Variants in TUBGCP2 observed in about 807,000 individuals in gnomAD.
The protein encoded by TUBGCP2 is tubulin gamma complex component 2, also known as gamma-tubulin complex component 2.
A neutral mutation model predicts 92.2 loss-of-function variants in TUBGCP2; 55 were observed. The ratio of observed to expected loss-of-function variants is 0.60; its 90% CI spans 0.48 to 0.75. TUBGCP2 has a LOEUF of 0.75. TUBGCP2 is among the 30% of genes least tolerant of loss of function. TUBGCP2 has a pLI of 0.00. For synonymous variants in TUBGCP2, 533 were observed against 505.2 expected (o/e 1.06, Z -0.74); for missense variants, 1,093 against 1,188.9 (o/e 0.92, Z 1.19).
chr10:133,281,773 C>T (rs1453810340), intron 16 of TUBGCP2, among the ~76,000 whole-genome samples: 1 of 152,246 alleles, frequency 6.6e-6, no homozygotes, highest in Non-Finnish European at 1.5e-5. Context: ...CCAAACCCAA[C>T]TCCTCTCTGC....
chr10:133,297,966 G>T lies in TUBGCP2; in HGVS notation c.602C>A (p.Thr201Asn). Residue 201 changes from threonine (T) to asparagine (N), a missense_variant, in exon 5 of 18, where the codon ACC becomes AAC. Physicochemically the swap from Thr to Asn is moderately conservative, Grantham distance 65. Transcript: ENST00000252936. ...FLIGAGISTD[T>N]ALPIGTLPLA... The stretch of plus-strand genomic sequence containing the variant: ...GCATCACGTACCTATCGGCAAAGCG[G>T]TGTCTGTGCTGATGCCAGCACCAAT... 6.2e-7 allele frequency: 1 copy of T among 1,613,582 alleles called. No homozygotes were observed. Among genetic ancestry groups the T allele is most frequent in the Non-Finnish European group, 8.5e-7 (1 of 1,179,830 alleles).
chr10:133,297,628 T>C (rs1589833054), intron 5 of TUBGCP2, among the ~76,000 whole-genome samples: 1 of 152,342 alleles, frequency 6.6e-6, no homozygotes, highest in East Asian at 1.9e-4. Flanking sequence ...TGCCTGCAGG[T>C]CTGCACCAGG....
At position 133,289,001 on chromosome 10, in the gene TUBGCP2, GACC is replaced by G. The variant is rs1218967127; in HGVS notation, c.1377_1379del (p.Val460del). 1 of 1,611,834 alleles carries G rather than the reference GACC, an allele frequency of 6.2e-7. No homozygotes were observed. The highest frequency in any genetic ancestry group is 2.2e-5 in the East Asian group (1 of 44,870). ...AGGTGACGTCATGGCCACACTCTCT[GACC>G]ACATTTAGATATTTTCCTGAAAACA... On this transcript the variant is annotated inframe_deletion, in exon 10 of 18. Coordinates refer to ENST00000252936, the MANE Select transcript of TUBGCP2 (RefSeq NM_006659.4).
intron 1 of TUBGCP2, among the ~76,000 whole-genome samples, chr10:133,305,376 G>C (rs767663421): frequency 6.6e-5 from 10 of 152,172 alleles, no homozygotes; most frequent in Non-Finnish European, 1.5e-4. Context: ...AATCATTGGA[G>C]ATGACTCACA....
At chr10:133,302,768 C>T (rs772825194) in intron 2 of TUBGCP2, 24 bp downstream of exon 2, 21 of 1,611,846 alleles carry the variant, frequency 1.3e-5, no homozygotes, top group South Asian at 4.4e-5. Flanking sequence ...CCCTGCACAG[C>T]GCTACACCAA....
Position 133,285,024 on chromosome 10 carries a change from C to G in TUBGCP2, c.2024+61G>C, listed in dbSNP as rs893210740. On this transcript the variant is annotated intron_variant, in intron 13 of 17. Transcript: ENST00000252936. This position sits in a 1 kb window ranked among gnomAD's most constrained non-coding sequence, Gnocchi z 6.8. ...AGGGCACAAGGGGGGCGCTGCACCA[C>G]TGGGCAGAGTGCAGCGAGCGCTGCT... 1 of 1,545,014 alleles carries G rather than the reference C, an allele frequency of 6.5e-7. No individual in the cohort carries two copies.
At chr10:133,299,670 G>A (rs1186124187) in intron 3 of TUBGCP2, 67 bp from the exon 4 acceptor site, 1 of 1,390,554 alleles carries the variant, frequency 7.2e-7, no homozygotes, top group Admixed American at 2.0e-5. Flanking sequence ...GGGAGAGTAG[G>A]GACGACACCA....
In TUBGCP2 at chr10:133,293,712, A is replaced by C; in HGVS notation, c.674T>G (p.Leu225Arg). ...SAVVEDLLYV[L>R]VGVDGRYVSA... Reference sequence around the variant, plus strand: ...GACGTACCTCCCGTCCACGCCCACCAGCACGTACAGCAGGTCCTCCACCAC... The same window carrying C: ...GACGTACCTCCCGTCCACGCCCACCCGCACGTACAGCAGGTCCTCCACCAC... Residue 225 changes from leucine (L) to arginine (R), a missense_variant, in exon 6 of 18, where the codon CTG becomes CGG. Leu to Arg is a moderately radical substitution (Grantham distance 102). Transcript: ENST00000252936. 6.2e-7 allele frequency: 1 copy of C among 1,605,360 alleles called. No homozygotes were observed. The highest frequency in any genetic ancestry group is 8.5e-7 in the Non-Finnish European group (1 of 1,176,832).
At chr10:133,305,333 G>A (rs1241204639) in intron 1 of TUBGCP2, among the ~76,000 whole-genome samples, 1 of 152,212 alleles carries the variant, frequency 6.6e-6, no homozygotes, top group Admixed American at 6.5e-5. Flanking sequence ...AGGGCCCCAT[G>A]TCTGGTGGAC....
In TUBGCP2 at chr10:133,299,613, T is replaced by A. The variant is rs1313150622; in HGVS notation, c.280-10A>T. 2 of 1,592,612 alleles carry A rather than the reference T, an allele frequency of 1.3e-6. No homozygotes were observed. The highest frequency in any genetic ancestry group is 1.7e-6 in the Non-Finnish European group (2 of 1,165,328). Reference sequence around the variant, plus strand: ...GTAAGTACTGCAGAGTCTGAAAACATGTAAAACTGTGTGTTCACACTGGGC... The same window carrying A: ...GTAAGTACTGCAGAGTCTGAAAACAAGTAAAACTGTGTGTTCACACTGGGC... On this transcript the variant is annotated splice_polypyrimidine_tract_variant and intron_variant, in intron 3 of 17. Transcript: ENST00000252936.
At chr10:133,300,251 T>C in intron 2 of TUBGCP2, 138 bp from the exon 3 acceptor site, 8 of 1,022,008 alleles carry the variant, frequency 7.8e-6, no homozygotes, top group Non-Finnish European at 1.1e-5. Flanking sequence ...TGAAATAAAC[T>C]AACAAAACTC....
intron 2 of TUBGCP2, chr10:133,301,950 G>A (rs1164119609): frequency 6.6e-6 from 1 of 151,336 alleles, no homozygotes; most frequent in Non-Finnish European, 1.5e-5. Context: ...TCCTGACCTT[G>A]TGATCCACCT....
rs552843231 is a variant in TUBGCP2, at chr10:133,292,806, T to C, written c.1025-118A>G. On this transcript the variant is annotated intron_variant, in intron 7 of 17. Transcript: ENST00000252936. ...CTTCTTCCTGGGACGGTGCTGCTTC[T>C]TTGGGATACGTATTAACTGTAAGGT... is the stretch of plus-strand genomic sequence containing the variant. The C allele has an allele frequency of 5.5e-5, 71 of 1,295,450 alleles. No homozygotes were observed. The African/African-American group carries it at 9.6e-4, about 18-fold the overall frequency. The allele number at this position is 1,295,450 out of a possible 1,614,324, so 80.2% of individuals were successfully genotyped here. A position where few individuals can be genotyped will look rare whatever the true frequency, so the allele number is the denominator to read the frequency against.
chr10:133,304,235 G>T (rs1264122262), intron 1 of TUBGCP2, among the ~76,000 whole-genome samples: 6 of 152,176 alleles, frequency 3.9e-5, no homozygotes, highest in Non-Finnish European at 7.4e-5. Context: ...GGAGGCTGAG[G>T]TGGGAGGATC....
intron 1 of TUBGCP2, among the ~76,000 whole-genome samples, chr10:133,304,606 C>T (rs1847762476): frequency 6.6e-6 from 1 of 152,156 alleles, no homozygotes; most frequent in Non-Finnish European, 1.5e-5. Context: ...GGCAAGCCAC[C>T]CAGGTGCCGA....
intron 17 of TUBGCP2, among the ~76,000 whole-genome samples, chr10:133,280,244 G>A (rs1589819302): frequency 1.3e-5 from 2 of 152,288 alleles, no homozygotes; most frequent in South Asian, 2.1e-4. Context: ...CTTCTCTCCT[G>A]GCCCCAGAAA....
chr10:133,297,732 G>A lies in TUBGCP2; in HGVS notation c.616+220C>T, dbSNP rs558621763. On this transcript the variant is annotated intron_variant, in intron 5 of 17. Transcript: ENST00000252936. ...GAAGAACCCTCAAGGACCCGGGTGAGCCGTTCTCTGCTGCCATCCTGGGAT... is the reference window on the plus strand; with the variant it reads ...GAAGAACCCTCAAGGACCCGGGTGAACCGTTCTCTGCTGCCATCCTGGGAT... Among the ~76,000 whole-genome samples the A allele has an allele frequency of 1.5e-4, 23 of 152,392 alleles. No homozygotes were observed. In the East Asian group the frequency reaches 3.9e-3, roughly 26 times the overall value.
At chr10:133,299,203 T>C (rs760061956) in intron 4 of TUBGCP2, among the ~76,000 whole-genome samples, 5 of 152,168 alleles carry the variant, frequency 3.3e-5, no homozygotes, top group Middle Eastern at 3.4e-3. Flanking sequence ...TATTGATTCT[T>C]GTGGTCCAGA....
At chr10:133,308,874 A>C, upstream of TUBGCP2, 1 of 1,184,912 alleles carries the variant, frequency 8.4e-7, no homozygotes, top group African/African-American at 1.6e-5. Flanking sequence ...GGCGGAAGTG[A>C]GCGTGACGTC....
Sources: allele counts gnomAD v4.1 joint callset (sites outside exome capture counted in the v4.1 genomes callset), GRCh38; gene constraint gnomAD v4.1.1; non-coding constraint Gnocchi (gnomAD v3.1); transcripts MANE v1.5; gene names NCBI Gene and HGNC (gene_info 2026-07-23, HGNC 2026-07-21).